The following DCPH1 variants were observed in gnomAD, a reference collection of about 807,000 sequenced individuals.
DCPH1 encodes damage control phosphatase 1.
the DCPH1 span, chr6:151,468,197 T>C: frequency 1.8e-6 from 1 of 566,418 alleles, no homozygotes; most frequent in South Asian, 2.8e-5. Context: ...TGTGCATTGT[T>C]AGAGAAAGTA....
chr6:151,455,400 GT>G, the DCPH1 span, among the ~76,000 whole-genome samples: 1 of 152,232 alleles, frequency 6.6e-6, no homozygotes, highest in African/African-American at 2.4e-5. Flanking sequence ...ATTCGTGGGT[GT>G]TTCTCCGAGA....
the DCPH1 span, among the ~76,000 whole-genome samples, chr6:151,463,349 TA>T: frequency 1.3e-4 from 19 of 151,758 alleles, no homozygotes; most frequent in East Asian, 1.9e-4. Context: ...CATTTTTGAT[TA>T]AAAAAAAAGT....
the DCPH1 span, among the ~76,000 whole-genome samples, chr6:151,465,870 C>G: frequency 6.6e-6 from 1 of 152,120 alleles, no homozygotes; most frequent in Admixed American, 6.6e-5. Context: ...CGAGGGCAAG[C>G]AAAGTCACAA....
chr6:151,454,768 A>G, the DCPH1 span: 3 of 576,328 alleles, frequency 5.2e-6, no homozygotes, highest in South Asian at 4.4e-5. Context: ...TGGGCCAAGT[A>G]TTTATTTGTT....
chr6:151,458,696 T>C, the DCPH1 span: 1 of 707,606 alleles, frequency 1.4e-6, no homozygotes, highest in Non-Finnish European at 2.3e-6. Context: ...TAGCAAATCT[T>C]AATAGCATTG....
chr6:151,455,874 G>GCGGCCTTC, the DCPH1 span, among the ~76,000 whole-genome samples: 1 of 152,288 alleles, frequency 6.6e-6, no homozygotes, highest in African/African-American at 2.4e-5. Flanking sequence ...AGAGGTCCCT[G>GCGGCCTTC]CGGCCTTCCG....
At chr6:151,457,153 A>G in the DCPH1 span, among the ~76,000 whole-genome samples, 9 of 152,176 alleles carry the variant, frequency 5.9e-5, no homozygotes, top group Admixed American at 3.3e-4. Flanking sequence ...GAGCCATGCC[A>G]CACAGTTTTC....
At chr6:151,469,320 T>G in the DCPH1 span, 1 of 411,724 alleles carries the variant, frequency 2.4e-6, no homozygotes, top group African/African-American at 2.1e-5. Context: ...TTAAGCAAGT[T>G]AAAGATATTT....
the DCPH1 span, among the ~76,000 whole-genome samples, chr6:151,460,846 C>T: frequency 2.0e-5 from 3 of 151,896 alleles, no homozygotes; most frequent in Non-Finnish European, 4.4e-5. Context: ...GAGAAGGCAC[C>T]CCAGCAGAAC....
At chr6:151,468,311 A>G in the DCPH1 span, 16 of 1,466,808 alleles carry the variant, frequency 1.1e-5, no homozygotes, top group Non-Finnish European at 1.5e-5. Context: ...ATTCAGAAGA[A>G]GGGTGAATAT....
the DCPH1 span, chr6:151,454,463 C>T: frequency 1.4e-6 from 1 of 724,840 alleles, no homozygotes; most frequent in Non-Finnish European, 2.5e-6. Context: ...GTTTAATATA[C>T]ATGAAGTGTT....
chr6:151,466,944 A>G, the DCPH1 span, among the ~76,000 whole-genome samples: 69 of 152,154 alleles, frequency 4.5e-4, no homozygotes, highest in African/African-American at 1.4e-3. Flanking sequence ...TTATTCATTT[A>G]TCTCTTTTTA....
the DCPH1 span, among the ~76,000 whole-genome samples, chr6:151,468,046 G>A: frequency 5.3e-5 from 8 of 152,182 alleles, no homozygotes; most frequent in Non-Finnish European, 1.2e-4. Context: ...TCTAATATCT[G>A]CAAGCTGCAA....
At chr6:151,461,748 G>A in the DCPH1 span, among the ~76,000 whole-genome samples, 3 of 152,214 alleles carry the variant, frequency 2.0e-5, no homozygotes, top group Non-Finnish European at 4.4e-5. Context: ...GGTGGGGCCT[G>A]GGTATCAGTT....
the DCPH1 span, among the ~76,000 whole-genome samples, chr6:151,467,861 T>C: frequency 6.6e-6 from 1 of 152,206 alleles, no homozygotes; most frequent in African/African-American, 2.4e-5. Context: ...TTTTTTAAAT[T>C]TTACAAATGA....
chr6:151,463,545 G>T, the DCPH1 span, among the ~76,000 whole-genome samples: 2 of 152,156 alleles, frequency 1.3e-5, no homozygotes, highest in Admixed American at 1.3e-4. Flanking sequence ...CTGAGCAATG[G>T]CAGCGCCCTT....
the DCPH1 span, chr6:151,454,762 C>A: frequency 3.5e-6 from 2 of 577,272 alleles, no homozygotes; most frequent in South Asian, 2.2e-5. Flanking sequence ...AATAGATGGG[C>A]CAAGTATTTA....
chr6:151,468,467 A>G, the DCPH1 span: 1 of 1,613,466 alleles, frequency 6.2e-7, no homozygotes. Flanking sequence ...GATATGGAAC[A>G]TCTTTGGTCA....
the DCPH1 span, among the ~76,000 whole-genome samples, chr6:151,453,391 C>T: frequency 2.6e-5 from 4 of 152,224 alleles, no homozygotes; most frequent in Non-Finnish European, 4.4e-5. Flanking sequence ...ACTATACCTA[C>T]TGCCTGGGAA....
Sources: allele counts gnomAD v4.1 joint callset (sites outside exome capture counted in the v4.1 genomes callset), GRCh38; gene constraint gnomAD v4.1.1; transcripts MANE v1.5; gene names NCBI Gene and HGNC (gene_info 2026-07-23, HGNC 2026-07-21).